The following NWD2 variants were observed in gnomAD, a reference collection of about 807,000 sequenced individuals.
NWD2 encodes the protein NACHT and WD repeat domain-containing protein 2.
A neutral mutation model predicts 132.7 loss-of-function variants in NWD2; 37 were observed. The observed-to-expected ratio is 0.28, with a 90% CI of 0.21 to 0.37. NWD2 has a LOEUF of 0.37. NWD2 is among the 10% of genes least tolerant of loss of function. The pLI is 1.00. For missense variants in NWD2, 1,592 were observed against 2,122.4 expected, an observed-to-expected ratio of 0.75 and a Z score of 4.91; for synonymous variants, 705 against 803.0, an observed-to-expected ratio of 0.88 and a Z score of 2.06.
Position 37,255,119 on chromosome 4 carries a change from TA to T in NWD2, c.151+9906del, listed in dbSNP as rs555596765. Among the ~76,000 whole-genome samples the T allele has an allele frequency of 2.5e-3, 384 of 152,126 alleles. 2 individuals carry two copies. Among genetic ancestry groups the T allele is most frequent in the African/African-American group, 8.9e-3 (371 of 41,484 alleles). ...TTGGTGTGGAAAGTTAGAAAGGGAG[TA>T]AAAATGACAGTATGTGCTGCTGTCT... On this transcript the variant is annotated intron_variant, in intron 1 of 6. Coordinates refer to ENST00000309447, the MANE Select transcript of NWD2 (RefSeq NM_001144990.2).
At chr4:37,269,000 G>A (rs1717816361) in intron 1 of NWD2, among the ~76,000 whole-genome samples, 2 of 151,850 alleles carry the variant, frequency 1.3e-5, no homozygotes, top group Non-Finnish European at 2.9e-5. Flanking sequence ...AGCCAAGTAA[G>A]GTCAGTTAGA....
At chr4:37,313,591 A>C (rs972987156) in intron 1 of NWD2, among the ~76,000 whole-genome samples, 6 of 150,950 alleles carry the variant, frequency 4.0e-5, no homozygotes, top group Admixed American at 6.6e-5. Context: ...TCTTGGATTC[A>C]TTAATTTTTT....
Sources: allele counts gnomAD v4.1 joint callset (sites outside exome capture counted in the v4.1 genomes callset), GRCh38; gene constraint gnomAD v4.1.1; transcripts MANE v1.5; gene names NCBI Gene and HGNC (gene_info 2026-07-23, HGNC 2026-07-21).